ATP6V1E1: variants seen among roughly 807,000 people sequenced by gnomAD.
ATP6V1E1 encodes the protein ATPase H+ transporting V1 subunit E1.
A neutral mutation model predicts 35.2 loss-of-function variants in ATP6V1E1; 21 were observed. That is an observed-to-expected ratio of 0.60 (90% confidence interval 0.42 to 0.86). The LOEUF (loss-of-function observed/expected upper bound fraction) is 0.86, where lower values mean the gene tolerates loss of function less well. ATP6V1E1 is among the 40% of genes least tolerant of loss of function. The pLI is 0.00. For synonymous variants in ATP6V1E1, 83 were observed against 87.8 expected (o/e 0.95, Z 0.30); for missense variants, 183 against 272.6 (o/e 0.67, Z 2.32).
intron 1 of ATP6V1E1, among the ~76,000 whole-genome samples, chr22:17,627,154 CA>C (rs1405605718): frequency 6.6e-6 from 1 of 151,316 alleles, no homozygotes; most frequent in Non-Finnish European, 1.5e-5. Context: ...TAGGCCCAGA[CA>C]ATCTTTTTTT....
chr22:17,603,510 G>T (rs1241155602), intron 4 of ATP6V1E1, among the ~76,000 whole-genome samples: 1 of 152,000 alleles, frequency 6.6e-6, no homozygotes, highest in African/African-American at 2.4e-5. Context: ...TGTTTTTAAG[G>T]CTCAAGAGAA....
Position 17,604,066 on chromosome 22 carries a change from A to G in ATP6V1E1, c.277-2885T>C, listed in dbSNP as rs186043528. Among the ~76,000 whole-genome samples the G allele has an allele frequency of 2.6e-3, 392 of 152,370 alleles. 3 individuals are homozygous for G. Among genetic ancestry groups the G allele is most frequent in the African/African-American group, 9.1e-3 (378 of 41,598 alleles). Reference sequence around the variant, plus strand: ...CCAATTCGTTGAGTCTAAATAAACTAAACTCTAGCTAAGCAGGCTAGAACC... The same window carrying G: ...CCAATTCGTTGAGTCTAAATAAACTGAACTCTAGCTAAGCAGGCTAGAACC... On this transcript the variant is annotated intron_variant, in intron 4 of 8. Coordinates refer to ENST00000253413, the MANE Select transcript of ATP6V1E1 (RefSeq NM_001696.4).
At chr22:17,621,247 A>G (rs757788004) in intron 1 of ATP6V1E1, among the ~76,000 whole-genome samples, 2 of 152,112 alleles carry the variant, frequency 1.3e-5, no homozygotes, top group African/African-American at 4.8e-5. Flanking sequence ...CAAAATGCCT[A>G]TCTTATCATG....
intron 2 of ATP6V1E1, 26 bp downstream of exon 2, chr22:17,619,432 ACTT>A (rs761177247): frequency 1.9e-6 from 3 of 1,569,942 alleles, no homozygotes; most frequent in South Asian, 2.3e-5. Flanking sequence ...AACCTTGATA[ACTT>A]CTTAAAACTA....
intron 4 of ATP6V1E1, among the ~76,000 whole-genome samples, chr22:17,605,655 C>A (rs2057782911): frequency 1.4e-5 from 2 of 145,808 alleles, no homozygotes. Flanking sequence ...CCTAGGTGAT[C>A]TAATTTTTTT....
chr22:17,593,367 C>T (rs1245695386), intron 8 of ATP6V1E1, among the ~76,000 whole-genome samples: 1 of 152,164 alleles, frequency 6.6e-6, no homozygotes, highest in Non-Finnish European at 1.5e-5. Context: ...CACCTACACT[C>T]TTTCTTCAAC....
At chr22:17,597,043 C>T (rs1601370855) in intron 7 of ATP6V1E1, among the ~76,000 whole-genome samples, 1 of 151,844 alleles carries the variant, frequency 6.6e-6, no homozygotes, top group African/African-American at 2.4e-5. Flanking sequence ...AGATCGAGAC[C>T]ATCCTGGCTA....
intron 4 of ATP6V1E1, among the ~76,000 whole-genome samples, chr22:17,603,432 C>A (rs530562556): frequency 6.6e-6 from 1 of 152,066 alleles, no homozygotes; most frequent in Non-Finnish European, 1.5e-5. Flanking sequence ...GCAAGAATCC[C>A]TTGAGTCCAG....
At chr22:17,611,065 CAT>C (rs1443939747) in intron 4 of ATP6V1E1, among the ~76,000 whole-genome samples, 1 of 152,160 alleles carries the variant, frequency 6.6e-6, no homozygotes, top group Non-Finnish European at 1.5e-5. Flanking sequence ...CATTTAAACT[CAT>C]AGCTGACTGA....
chr22:17,608,907 A>G (rs1345900387), intron 4 of ATP6V1E1, among the ~76,000 whole-genome samples: 2 of 152,064 alleles, frequency 1.3e-5, no homozygotes, highest in Non-Finnish European at 2.9e-5. Context: ...TAACACGGTG[A>G]AACCCTGTCT....
rs1403774946 is a variant in ATP6V1E1 at position 17,592,842 on chromosome 22, G to A, written c.619-106C>T. 29 of 1,052,976 alleles carry A rather than the reference G, an allele frequency of 2.8e-5. No homozygotes were observed. In the African/African-American group the frequency reaches 3.3e-4, roughly 12 times the overall value. The allele number at this position is 1,052,976 out of a possible 1,614,324, so 65.2% of individuals were successfully genotyped here. A position where few individuals can be genotyped will look rare whatever the true frequency, so the allele number is the denominator to read the frequency against. On this transcript the variant is annotated intron_variant, in intron 8 of 8. Transcript: ENST00000253413. Reference sequence around the variant, plus strand: ...TTTTGAGACGGAGTCTCGCTCTGTCGCCCAGGCTGGAGTGCAGTGGCGCAT... The same window carrying A: ...TTTTGAGACGGAGTCTCGCTCTGTCACCCAGGCTGGAGTGCAGTGGCGCAT...
intron 1 of ATP6V1E1, 94 bp downstream of exon 1, chr22:17,628,509 G>C: frequency 6.5e-7 from 1 of 1,547,716 alleles, no homozygotes. Context: ...GCGGCATCTG[G>C]GCGGCTCAAG....
intron 1 of ATP6V1E1, among the ~76,000 whole-genome samples, chr22:17,625,191 T>C (rs912058243): frequency 6.6e-6 from 1 of 152,134 alleles, no homozygotes; most frequent in Non-Finnish European, 1.5e-5. Flanking sequence ...GAAGAAGAAA[T>C]ACCCACTCGT....
At chr22:17,599,720 G>T (rs2057752391) in intron 6 of ATP6V1E1, among the ~76,000 whole-genome samples, 1 of 151,646 alleles carries the variant, frequency 6.6e-6, no homozygotes, top group African/African-American at 2.4e-5. Flanking sequence ...AGGAGTTCGA[G>T]ACCAGCCTGG....
In ATP6V1E1 at chr22:17,622,877, G is replaced by C. The variant is rs925576371; in HGVS notation, c.34-3351C>G. Among the ~76,000 whole-genome samples, 6 of 152,092 alleles carry C rather than the reference G, an allele frequency of 3.9e-5. No individual in the cohort carries two copies. The East Asian group carries it at 9.6e-4, about 24-fold the overall frequency. On this transcript the variant is annotated intron_variant, in intron 1 of 8. Coordinates refer to ENST00000253413, the MANE Select transcript of ATP6V1E1 (RefSeq NM_001696.4). ...AGTTACTCAGGAGGCTGAGGCAGGAGAATCACTTGAACCTGGAGGCGGAGG... is the reference window on the plus strand; with the variant it reads ...AGTTACTCAGGAGGCTGAGGCAGGACAATCACTTGAACCTGGAGGCGGAGG...
Position 17,628,677 on chromosome 22 carries a change from T to C in ATP6V1E1, c.-42A>G, listed in dbSNP as rs774692526. 4 of 1,613,810 alleles carry C rather than the reference T, an allele frequency of 2.5e-6. No individual in the cohort carries two copies. Among genetic ancestry groups the C allele is most frequent in the Admixed American group, 1.7e-5 (1 of 60,020 alleles). ...GGCCGGTGAACAGTAGGCTCGAGTT[T>C]AGGTTTGAAAGGTGAGGTGAGAGAA... On this transcript the variant is annotated 5_prime_UTR_variant, in exon 1 of 9. Transcript: ENST00000253413.
In ATP6V1E1 at chr22:17,592,641, G is replaced by A. The variant is rs2057709082; in HGVS notation, c.*33C>T. On this transcript the variant is annotated 3_prime_UTR_variant, in exon 9 of 9. Transcript: ENST00000253413. ...ATCAGAAGCTTCCACATCACAGCAG[G>A]AGAGCTGACGACGAGCTCCACCTCC... 1.2e-6 allele frequency: 2 copies of A among 1,602,106 alleles called. No individual in the cohort carries two copies. The highest frequency in any genetic ancestry group is 1.7e-5 in the Admixed American group (1 of 59,976).
At chr22:17,615,443 C>A (rs2057839080) in intron 2 of ATP6V1E1, among the ~76,000 whole-genome samples, 1 of 151,272 alleles carries the variant, frequency 6.6e-6, no homozygotes, top group Admixed American at 6.6e-5. Flanking sequence ...TCAGGAGTTC[C>A]AAGACGAGCC....
At chr22:17,617,848 C>T (rs1330449347) in intron 2 of ATP6V1E1, among the ~76,000 whole-genome samples, 3 of 152,168 alleles carry the variant, frequency 2.0e-5, no homozygotes, top group South Asian at 2.1e-4. Context: ...CTCACTCTGT[C>T]GTCCAGGCTG....
Sources: allele counts gnomAD v4.1 joint callset (sites outside exome capture counted in the v4.1 genomes callset), GRCh38; gene constraint gnomAD v4.1.1; transcripts MANE v1.5; gene names NCBI Gene and HGNC (gene_info 2026-07-23, HGNC 2026-07-21).